SH3RF3: variants seen among roughly 807,000 people sequenced by gnomAD.
The protein encoded by SH3RF3 is SH3 domain containing ring finger 3.
Under a neutral mutation model 66.3 loss-of-function variants are expected in SH3RF3, and 29 were observed. That is an observed-to-expected ratio of 0.44 (90% CI 0.33 to 0.60). The LOEUF (loss-of-function observed/expected upper bound fraction) is 0.60. Ranked by LOEUF, SH3RF3 falls within the 20% of genes least tolerant of loss-of-function variation. The pLI is 0.04. For synonymous variants in SH3RF3, 583 were observed against 532.0 expected (o/e 1.10, Z -1.32); for missense variants, 1,194 against 1,190.9 (o/e 1.00, Z -0.04).
intron 1 of SH3RF3, among the ~76,000 whole-genome samples, chr2:109,265,612 G>A (rs777628214): frequency 7.2e-5 from 11 of 152,252 alleles, no homozygotes; most frequent in Non-Finnish European, 1.6e-4. Flanking sequence ...AGCCCCCCAG[G>A]GGCCTGCATG....
chr2:109,213,536 T>C (rs1679040468), intron 1 of SH3RF3, among the ~76,000 whole-genome samples: 1 of 152,148 alleles, frequency 6.6e-6, no homozygotes. Context: ...GAAGCCTCTA[T>C]CACCTAACAG....
chr2:109,271,380 A>G (rs1009049924), intron 1 of SH3RF3, among the ~76,000 whole-genome samples: 5 of 152,212 alleles, frequency 3.3e-5, no homozygotes, highest in African/African-American at 1.2e-4. Flanking sequence ...ATCTCAACCC[A>G]AAAGCTCAAA....
At chr2:109,324,068 C>A (rs546354801) in intron 1 of SH3RF3, among the ~76,000 whole-genome samples, 1 of 152,262 alleles carries the variant, frequency 6.6e-6, no homozygotes, top group South Asian at 2.1e-4. Flanking sequence ...TAATATGTGG[C>A]CTTTTGTGTC....
rs756131407 is a variant in SH3RF3 at position 109,212,345 on chromosome 2, C to T, written c.573+82232C>T. Among the ~76,000 whole-genome samples, 13 of 152,270 alleles carry T rather than the reference C, an allele frequency of 8.5e-5. No individual in the cohort carries two copies. The South Asian group carries it at 2.3e-3, about 27-fold the overall frequency. On this transcript the variant is annotated intron_variant, in intron 1 of 9. Transcript: ENST00000309415. ...TTCAATTAGAGTCTGACCATGTTGTCGGGAAAGTAGGGGACTGCTTTGGCT... is the reference window on the plus strand; with the variant it reads ...TTCAATTAGAGTCTGACCATGTTGTTGGGAAAGTAGGGGACTGCTTTGGCT...
chr2:109,212,324 A>G (rs1412664380), intron 1 of SH3RF3, among the ~76,000 whole-genome samples: 3 of 152,222 alleles, frequency 2.0e-5, no homozygotes, highest in South Asian at 2.1e-4. Flanking sequence ...GCAGTTTTCA[A>G]TTAGAGTCTG....
chr2:109,331,320 A>G (rs1682279957), intron 1 of SH3RF3, among the ~76,000 whole-genome samples: 1 of 151,988 alleles, frequency 6.6e-6, no homozygotes, highest in Admixed American at 6.6e-5. Context: ...CTCATTTGCA[A>G]TCAATTAACA....
intron 5 of SH3RF3, among the ~76,000 whole-genome samples, chr2:109,421,063 T>C (rs1676863675): frequency 1.3e-5 from 2 of 152,340 alleles, no homozygotes; most frequent in South Asian, 4.1e-4. Context: ...GCCATGCTCC[T>C]AGCTCAGTTC....
chr2:109,480,347 G>C (rs1678804923), intron 8 of SH3RF3, among the ~76,000 whole-genome samples: 1 of 152,146 alleles, frequency 6.6e-6, no homozygotes. Context: ...GTTTACAGAT[G>C]GGAGAACTGA....
At chr2:109,409,065 GT>G (rs1676522905) in intron 4 of SH3RF3, among the ~76,000 whole-genome samples, 1 of 152,214 alleles carries the variant, frequency 6.6e-6, no homozygotes, top group East Asian at 1.9e-4. Context: ...CCCTTTCCTT[GT>G]TGACGTTTTG....
chr2:109,134,855 G>C (rs1157021240), intron 1 of SH3RF3, among the ~76,000 whole-genome samples: 5 of 152,180 alleles, frequency 3.3e-5, no homozygotes, highest in Non-Finnish European at 7.3e-5. Flanking sequence ...AGAGTGCACA[G>C]AGCAGTGTGG....
chr2:109,403,578 A>G (rs191052899), intron 4 of SH3RF3, among the ~76,000 whole-genome samples: 23 of 152,318 alleles, frequency 1.5e-4, no homozygotes, highest in Middle Eastern at 3.4e-3. Context: ...AGGCCAAAGG[A>G]GACACGCAGG....
At chr2:109,390,116 T>C (rs2104409263) in intron 3 of SH3RF3, among the ~76,000 whole-genome samples, 1 of 152,286 alleles carries the variant, frequency 6.6e-6, no homozygotes, top group South Asian at 2.1e-4. Flanking sequence ...CCGGAGGCCA[T>C]GCGGGTCCCC....
intron 8 of SH3RF3, among the ~76,000 whole-genome samples, chr2:109,480,754 G>A (rs1010415348): frequency 6.6e-6 from 1 of 152,152 alleles, no homozygotes; most frequent in Admixed American, 6.5e-5. Context: ...GATCCCCTGG[G>A]CTCACCTGGC....
intron 4 of SH3RF3, among the ~76,000 whole-genome samples, chr2:109,417,718 G>T (rs758329788): frequency 1.6e-4 from 24 of 152,182 alleles, no homozygotes; most frequent in Non-Finnish European, 3.4e-4. Context: ...TCTGCCAGGC[G>T]CACTGGGTTT....
chr2:109,304,020 G>A (rs1041631033), intron 1 of SH3RF3, among the ~76,000 whole-genome samples: 1 of 151,876 alleles, frequency 6.6e-6, no homozygotes, highest in African/African-American at 2.4e-5. Context: ...AGAATTGCTT[G>A]AACCTGGAAA....
chr2:109,213,835 G>T (rs796661137), intron 1 of SH3RF3, among the ~76,000 whole-genome samples: 8 of 152,300 alleles, frequency 5.3e-5, no homozygotes, highest in African/African-American at 1.9e-4. Context: ...GAAGGGCAGG[G>T]TTACAGCCCG....
chr2:109,405,311 G>T (rs982900267), intron 4 of SH3RF3, among the ~76,000 whole-genome samples: 2 of 152,072 alleles, frequency 1.3e-5, no homozygotes, highest in Non-Finnish European at 2.9e-5. Flanking sequence ...GTCCTTAGGT[G>T]CCCTGAGCTA....
intron 2 of SH3RF3, among the ~76,000 whole-genome samples, chr2:109,368,829 T>C (rs1683201878): frequency 6.6e-6 from 1 of 152,328 alleles, no homozygotes; most frequent in South Asian, 2.1e-4. Flanking sequence ...TATTTTGCTG[T>C]TGTGACAGCT....
intron 1 of SH3RF3, among the ~76,000 whole-genome samples, chr2:109,221,232 C>T (rs1007408640): frequency 1.3e-5 from 2 of 152,112 alleles, no homozygotes; most frequent in African/African-American, 4.8e-5. Context: ...TAATTTTTTT[C>T]TTTTCAATAA....
Sources: allele counts gnomAD v4.1 joint callset (sites outside exome capture counted in the v4.1 genomes callset), GRCh38; gene constraint gnomAD v4.1.1; transcripts MANE v1.5; gene names NCBI Gene and HGNC (gene_info 2026-07-23, HGNC 2026-07-21).